The following TOPBP1 variants were observed in gnomAD, a reference collection of about 807,000 sequenced individuals.
TOPBP1 encodes DNA topoisomerase II binding protein 1.
Under a neutral mutation model 167.7 loss-of-function variants are expected in TOPBP1, and 28 were observed. The observed-to-expected ratio is 0.17, with a 90% CI of 0.12 to 0.23. The LOEUF (loss-of-function observed/expected upper bound fraction) is 0.23. Among genes scored for constraint, TOPBP1 ranks in the 10% least tolerant of loss-of-function variants. TOPBP1 has a pLI of 1.00. For missense variants in TOPBP1, 1,554 were observed against 1,809.6 expected (o/e 0.86, Z 2.56); for synonymous variants, 598 against 611.4 (o/e 0.98, Z 0.32).
chr3:133,656,826 C>G lies in TOPBP1; in HGVS notation c.395G>C (p.Gly132Ala). ...ATTAAGGTCTCTGTATACTCGTCCG[C>G]CCATCATTTGTACATATTTATGAAC... is the stretch of plus-strand genomic sequence containing the variant. ...EEVHKYVQMM[G>A]GRVYRDLNVS... Residue 132 changes from glycine (G) to alanine (A), a missense_variant, in exon 5 of 28, where the codon GGC becomes GCC. Gly to Ala is a moderately conservative substitution (Grantham distance 60, BLOSUM62 0). Around this residue, in one of 3 missense-constraint regions of TOPBP1, gnomAD observed 1,197 missense variants for 1,351.5 expected, o/e 0.89. Transcript: ENST00000260810. 2.5e-6 allele frequency: 4 copies of G among 1,599,668 alleles called. No homozygotes were observed. The highest frequency in any genetic ancestry group is 2.6e-6 in the Non-Finnish European group (3 of 1,174,336).
At chr3:133,606,837 G>C (rs1030451972) in intron 27 of TOPBP1, among the ~76,000 whole-genome samples, 2 of 151,916 alleles carry the variant, frequency 1.3e-5, no homozygotes, top group African/African-American at 4.8e-5. Context: ...CCATACCTCA[G>C]AGCATTAAGA....
At chr3:133,660,922 T>C (rs1576320578) in intron 2 of TOPBP1, 122 bp downstream of exon 2, 1 of 686,600 alleles carries the variant, frequency 1.5e-6, no homozygotes, top group South Asian at 2.2e-5. Context: ...TCTGTATTAA[T>C]GTAGACTATA....
At chr3:133,626,015 G>T (rs1428437838) in intron 16 of TOPBP1, among the ~76,000 whole-genome samples, 1 of 152,158 alleles carries the variant, frequency 6.6e-6, no homozygotes, top group African/African-American at 2.4e-5. Flanking sequence ...GTCTTCAGAG[G>T]CCATTCAAGA....
intron 27 of TOPBP1, 134 bp downstream of exon 27, chr3:133,608,401 G>A (rs1934561904): frequency 1.1e-6 from 1 of 928,516 alleles, no homozygotes; most frequent in Non-Finnish European, 1.6e-6. Context: ...AACTGAAAGG[G>A]CTGGAATAGA....
intron 6 of TOPBP1, 100 bp downstream of exon 6, chr3:133,655,190 G>A: frequency 1.3e-6 from 1 of 789,690 alleles, no homozygotes; most frequent in Non-Finnish European, 1.6e-6. Flanking sequence ...GGGCAATAGA[G>A]CAAGACTCTG....
rs1165130539 is a variant in TOPBP1, at chr3:133,617,144, T to C, written c.3759+16A>G. On this transcript the variant is annotated intron_variant, in intron 22 of 27. Transcript: ENST00000260810. ...AGTATGCAAAAGCTGTATCACCATATTAAGGATCAACAAACCTTTTCTCTA... is the reference window on the plus strand; with the variant it reads ...AGTATGCAAAAGCTGTATCACCATACTAAGGATCAACAAACCTTTTCTCTA... 6.3e-7 allele frequency: 1 copy of C among 1,595,472 alleles called. No homozygotes were observed. Among genetic ancestry groups the C allele is most frequent in the South Asian group, 1.1e-5 (1 of 88,060 alleles).
intron 12 of TOPBP1, among the ~76,000 whole-genome samples, chr3:133,642,304 T>C (rs892866494): frequency 6.6e-5 from 10 of 152,220 alleles, no homozygotes; most frequent in Non-Finnish European, 1.3e-4. Flanking sequence ...TGGATACTTA[T>C]AGTAATCACT....
At chr3:133,659,692 C>T (rs1029511760) in intron 2 of TOPBP1, among the ~76,000 whole-genome samples, 1 of 152,134 alleles carries the variant, frequency 6.6e-6, no homozygotes, top group African/African-American at 2.4e-5. Context: ...CCAGAGATGC[C>T]CATCCTAATC....
intron 27 of TOPBP1, among the ~76,000 whole-genome samples, chr3:133,603,563 T>A (rs1274029705): frequency 6.6e-6 from 1 of 152,134 alleles, no homozygotes; most frequent in Non-Finnish European, 1.5e-5. Flanking sequence ...AAAGGCTATA[T>A]TAACCTCAGA....
intron 10 of TOPBP1, among the ~76,000 whole-genome samples, chr3:133,646,790 TA>T (rs1165545451): frequency 6.6e-6 from 1 of 151,944 alleles, no homozygotes; most frequent in Non-Finnish European, 1.5e-5. Flanking sequence ...ATAGTGTAAA[TA>T]AAAAAGGAAT....
intron 16 of TOPBP1, among the ~76,000 whole-genome samples, chr3:133,627,694 C>T (rs1341260288): frequency 6.6e-6 from 1 of 152,082 alleles, no homozygotes; most frequent in African/African-American, 2.4e-5. Context: ...TGGCTGAACA[C>T]AAGTTATCAA....
chr3:133,638,901 A>C (rs978022458), intron 13 of TOPBP1, among the ~76,000 whole-genome samples: 1 of 152,200 alleles, frequency 6.6e-6, no homozygotes, highest in African/African-American at 2.4e-5. Context: ...TGGAACTTTA[A>C]ATTTAGCAGG....
At chr3:133,657,494 TC>T (rs1302645519) in intron 4 of TOPBP1, among the ~76,000 whole-genome samples, 2 of 149,868 alleles carry the variant, frequency 1.3e-5, no homozygotes, top group African/African-American at 4.9e-5. Context: ...CGATTTAGAA[TC>T]CTTTTTTTTA....
rs553664939 is a variant in TOPBP1, at chr3:133,617,451, C to T, written c.3593-125G>A. 1.1e-3 allele frequency: 1,285 copies of T among 1,126,666 alleles called. 2 individuals are homozygous for T. The highest frequency in any genetic ancestry group is 2.5e-3 in the Middle Eastern group (8 of 3,218). 69.8% of individuals were successfully genotyped at this position (1,126,666 alleles called of 1,614,324 possible). A position where few individuals can be genotyped will look rare whatever the true frequency, so the allele number is the denominator to read the frequency against. On this transcript the variant is annotated intron_variant, in intron 21 of 27. Coordinates refer to ENST00000260810, the MANE Select transcript of TOPBP1 (RefSeq NM_007027.4). The stretch of plus-strand genomic sequence containing the variant: ...CACAAACTCTGGAATGTAAAAAGTA[C>T]AGGCAAAAAAGTATCCTATCCCCAG...
At chr3:133,634,890 A>C (rs953771719) in intron 14 of TOPBP1, among the ~76,000 whole-genome samples, 1 of 152,180 alleles carries the variant, frequency 6.6e-6, no homozygotes, top group African/African-American at 2.4e-5. Context: ...CATATATTCG[A>C]TTGTAGAGTT....
At chr3:133,601,860 G>C (rs1481920274) in intron 27 of TOPBP1, among the ~76,000 whole-genome samples, 3 of 151,960 alleles carry the variant, frequency 2.0e-5, no homozygotes, top group African/African-American at 7.3e-5. Context: ...TAGCAATATG[G>C]CAGACTGGGC....
Position 133,656,744 on chromosome 3 carries a change from A to T in TOPBP1, c.477T>A (p.Ala159=). 1 of 1,613,120 alleles carries T rather than the reference A, an allele frequency of 6.2e-7. No individual in the cohort carries two copies. ...GEVGSKKYLV[A]ANLKKPILLP... ...GCAAAATAGGTTTCTTCAGGTTTGC[A>T]GCAACTAAATATTTTTTGCTACCAA... Residue 159 remains alanine (A), a synonymous_variant, in exon 5 of 28, where the codon GCT becomes GCA. Transcript: ENST00000260810.
chr3:133,625,371 A>G (rs1319215909), intron 16 of TOPBP1, among the ~76,000 whole-genome samples: 4 of 152,366 alleles, frequency 2.6e-5, no homozygotes, highest in African/African-American at 9.6e-5. Context: ...TTTTATCCTT[A>G]GGGACACTTA....
intron 27 of TOPBP1, among the ~76,000 whole-genome samples, chr3:133,607,951 T>C (rs555883643): frequency 6.6e-6 from 1 of 152,310 alleles, no homozygotes; most frequent in East Asian, 1.9e-4. Flanking sequence ...TTCTGTATCA[T>C]CCCAGTTGAA....
Sources: gnomAD v4.1 joint callset for allele counts (sites outside exome capture counted in the v4.1 genomes callset) on GRCh38, gnomAD v4.1.1 for gene constraint, gnomAD v4.1.1 regional missense constraint, MANE v1.5 for transcripts, NCBI Gene and HGNC (gene_info 2026-07-23, HGNC 2026-07-21) for gene names.